Variants in DEUP1 observed in about 807,000 individuals in gnomAD.
DEUP1 encodes deuterosome assembly protein 1.
In DEUP1, 82 loss-of-function variants were observed where a neutral mutation model predicts 87.4. The observed-to-expected ratio is 0.94, with a 90% confidence interval of 0.78 to 1.13. The LOEUF (loss-of-function observed/expected upper bound fraction) is 1.13, where lower values mean the gene tolerates loss of function less well. Among genes scored for constraint, DEUP1 ranks in the 50% most tolerant of loss-of-function variants. The pLI is 0.00. For missense variants in DEUP1, 663 were observed against 681.5 expected (o/e 0.97, Z 0.30); for synonymous variants, 214 against 222.7 (o/e 0.96, Z 0.35).
chr11:93,434,812 T>C (rs1239456275), intron 13 of DEUP1, among the ~76,000 whole-genome samples: 2 of 152,164 alleles, frequency 1.3e-5, no homozygotes, highest in African/African-American at 2.4e-5. Context: ...ATTCTACCCA[T>C]TGGAAACACA....
At chr11:93,341,364 T>C (rs1020451066) in intron 2 of DEUP1, among the ~76,000 whole-genome samples, 2 of 152,166 alleles carry the variant, frequency 1.3e-5, no homozygotes, top group African/African-American at 4.8e-5. Context: ...TTCTCTCGCC[T>C]CCGTCATGTA....
intron 12 of DEUP1, 83 bp from the exon 13 acceptor site, chr11:93,414,917 C>A: frequency 1.4e-6 from 1 of 695,128 alleles, no homozygotes; most frequent in Admixed American, 3.0e-5. Context: ...CCTACTTGGA[C>A]ATCTGAGAGA....
At chr11:93,433,171 A>T (rs1378900325) in intron 13 of DEUP1, among the ~76,000 whole-genome samples, 1 of 152,178 alleles carries the variant, frequency 6.6e-6, no homozygotes, top group East Asian at 1.9e-4. Context: ...TCATAAACTA[A>T]CTAAAAAATT....
intron 2 of DEUP1, among the ~76,000 whole-genome samples, chr11:93,337,311 T>G (rs1943819525): frequency 6.6e-6 from 1 of 152,242 alleles, no homozygotes. Context: ...AATCATAACT[T>G]TACTTACCAG....
intron 7 of DEUP1, among the ~76,000 whole-genome samples, chr11:93,382,078 T>A (rs1946329367): frequency 6.6e-6 from 1 of 152,170 alleles, no homozygotes. Context: ...CCAAACAAAC[T>A]TGAAAATGTT....
chr11:93,433,699 T>C (rs1256639029), intron 13 of DEUP1, among the ~76,000 whole-genome samples: 2 of 152,218 alleles, frequency 1.3e-5, no homozygotes, highest in Non-Finnish European at 2.9e-5. Context: ...GATGAGATTC[T>C]TGTGAAAGCG....
At chr11:93,429,247 A>T (rs931073244) in intron 13 of DEUP1, among the ~76,000 whole-genome samples, 2 of 152,150 alleles carry the variant, frequency 1.3e-5, no homozygotes, top group African/African-American at 2.4e-5. Context: ...AAAGCCCTGA[A>T]ATGCTCTTTT....
intron 7 of DEUP1, among the ~76,000 whole-genome samples, chr11:93,378,308 T>G (rs992422933): frequency 6.6e-6 from 1 of 152,154 alleles, no homozygotes; most frequent in Non-Finnish European, 1.5e-5. Flanking sequence ...TTTTTTTAAA[T>G]TCTTTTTTGT....
chr11:93,373,625 G>GTGTGTGTATATATATATATA (rs796309948), intron 7 of DEUP1, among the ~76,000 whole-genome samples: 1 of 67,000 alleles, frequency 1.5e-5, no homozygotes, highest in African/African-American at 4.1e-5. Context: ...ATATATATAC[G>GTGTGTGTATATATATATATA]TATATATATA....
At chr11:93,339,254 G>A (rs1201380590) in intron 2 of DEUP1, among the ~76,000 whole-genome samples, 1 of 152,206 alleles carries the variant, frequency 6.6e-6, no homozygotes, top group Non-Finnish European at 1.5e-5. Flanking sequence ...CCATTTATGG[G>A]GAAATCCACT....
At chr11:93,357,952 T>A (rs1176446424) in intron 4 of DEUP1, among the ~76,000 whole-genome samples, 1 of 152,210 alleles carries the variant, frequency 6.6e-6, no homozygotes, top group Non-Finnish European at 1.5e-5. Flanking sequence ...GCTTGAGTTA[T>A]AAAATTATAT....
At position 93,437,737 on chromosome 11, in the gene DEUP1, T is replaced by C; in HGVS notation, c.*18T>C. On this transcript the variant is annotated 3_prime_UTR_variant, in exon 14 of 14. Coordinates refer to ENST00000298050, the MANE Select transcript of DEUP1 (RefSeq NM_181645.4). ...ACATATGAGCTTTTAAACTTTTTTA[T>C]TTGCTTCCCCCCCCCACCCCCGCCA... The C allele has an allele frequency of 2.9e-6, 4 of 1,381,034 alleles. No homozygotes were observed. Among genetic ancestry groups the C allele is most frequent in the Non-Finnish European group, 4.0e-6 (4 of 1,010,568 alleles). The allele number at this position is 1,381,034 out of a possible 1,614,324, so 85.5% of individuals were successfully genotyped here. A position where few individuals can be genotyped will look rare whatever the true frequency, so the allele number is the denominator to read the frequency against.
chr11:93,353,434 G>A (rs753732067), intron 2 of DEUP1, among the ~76,000 whole-genome samples: 1 of 152,086 alleles, frequency 6.6e-6, no homozygotes, highest in African/African-American at 2.4e-5. Flanking sequence ...GCAAGTTGTT[G>A]GATCTACCGT....
chr11:93,352,079 G>C (rs1370630801), intron 2 of DEUP1, among the ~76,000 whole-genome samples: 1 of 151,940 alleles, frequency 6.6e-6, no homozygotes, highest in Non-Finnish European at 1.5e-5. Flanking sequence ...TGTGATCTTG[G>C]GCCTCTCTGA....
At position 93,385,553 on chromosome 11, in the gene DEUP1, T is replaced by G. The variant is rs201457287; in HGVS notation, c.935+10T>G. On this transcript the variant is annotated intron_variant, in intron 8 of 13. Transcript: ENST00000298050. ...AAGGAAATAAAACAAGGTATAATCT[T>G]TATATTTGACAATCTGAGAGAACTG... The G allele has an allele frequency of 6.3e-7, 1 of 1,579,078 alleles. No individual in the cohort carries two copies. The highest frequency in any genetic ancestry group is 1.4e-5 in the African/African-American group (1 of 73,184).
At position 93,355,505 on chromosome 11, in the gene DEUP1, C is replaced by A; in HGVS notation, c.164C>A (p.Ala55Glu). 3.1e-6 allele frequency: 5 copies of A among 1,613,650 alleles called. No homozygotes were observed. Among genetic ancestry groups the A allele is most frequent in the Non-Finnish European group, 3.4e-6 (4 of 1,179,754 alleles). ...TRLDLRDQEL[A>E]NAQTCLDQKG... Reference sequence around the variant, plus strand: ...TTAGATCTTCGGGATCAAGAATTGGCAAATGCACAAACTTGTTTGGATCAG... The same window carrying A: ...TTAGATCTTCGGGATCAAGAATTGGAAAATGCACAAACTTGTTTGGATCAG... Residue 55 changes from alanine to glutamate, a missense_variant, in exon 3 of 14, where the codon GCA becomes GAA. Transcript: ENST00000298050.
chr11:93,379,096 CCTT>C (rs1324366131), intron 7 of DEUP1, among the ~76,000 whole-genome samples: 1 of 152,154 alleles, frequency 6.6e-6, no homozygotes, highest in East Asian at 1.9e-4. Context: ...GTGAAGTTCA[CCTT>C]CTTCACTAAC....
intron 7 of DEUP1, among the ~76,000 whole-genome samples, chr11:93,381,179 G>A (rs1229539802): frequency 6.6e-6 from 1 of 152,080 alleles, no homozygotes; most frequent in Non-Finnish European, 1.5e-5. Flanking sequence ...TGATTTGAAG[G>A]TTTAGAATCA....
At chr11:93,383,559 G>C (rs960641717) in intron 7 of DEUP1, 5 of 659,328 alleles carry the variant, frequency 7.6e-6, no homozygotes, top group Non-Finnish European at 1.4e-5. Context: ...GTTCAACTTT[G>C]TGACTAAATT....
Sources: allele counts gnomAD v4.1 joint callset (sites outside exome capture counted in the v4.1 genomes callset), GRCh38; gene constraint gnomAD v4.1.1; transcripts MANE v1.5; gene names NCBI Gene and HGNC (gene_info 2026-07-23, HGNC 2026-07-21).